The following LAMB2 variants were observed in gnomAD, a reference collection of about 807,000 sequenced individuals.
LAMB2 encodes the protein laminin subunit beta-2.
LAMB2 carries 119 observed loss-of-function variants against 202.7 expected under a neutral mutation model. The observed-to-expected ratio is 0.59, with a 90% CI of 0.51 to 0.68. The LOEUF is 0.68. Ranked by LOEUF, LAMB2 falls within the 30% of genes least tolerant of loss-of-function variation. The pLI is 0.00. For synonymous variants in LAMB2, 818 were observed against 902.2 expected (o/e 0.91, Z 1.67); for missense variants, 2,124 against 2,410.6 (o/e 0.88, Z 2.49).
chr3:49,128,545 C>T lies in LAMB2; in HGVS notation c.1931G>A (p.Arg644His), dbSNP rs200738080. 3.3e-4 allele frequency: 534 copies of T among 1,614,210 alleles called. 3 individuals carry two copies. The Middle Eastern group carries it at 5.9e-3, about 18-fold the overall frequency. ...GCTGTGGGCAGGCACAGGCCCTGGA[C>T]GCTGCACAATCAGTTCCAACTCTGC... is the stretch of plus-strand genomic sequence containing the variant. ...QWAELELIVQ[R>H]PGPVPAHSLC... The change falls in exon 15 of 32, where the codon CGT becomes CAT. Residue 644 changes from arginine to histidine, a missense_variant. Physicochemically the swap from Arg to His is conservative, Grantham distance 29 (BLOSUM62 0). Around this residue, in one of 3 missense-constraint regions of LAMB2, gnomAD observed 1,702 missense variants for 1,896.3 expected, o/e 0.90. Transcript: ENST00000305544.
Position 49,122,879 on chromosome 3 carries a change from T to G in LAMB2, c.4398A>C (p.Ala1466=), listed in dbSNP as rs1575531010. ...TGAGGATGCTACCACCTTCTGCCAG[T>G]GCCCGCTGCAGCTCTGCCTGTGTGT... ...ARHTQAELQR[A]LAEGGSILSR... The change falls in exon 27 of 32, where the codon GCA becomes GCC. Residue 1466 remains alanine (A), a synonymous_variant. Transcript: ENST00000305544. 1 of 1,610,736 alleles carries G rather than the reference T, an allele frequency of 6.2e-7. No homozygotes were observed. The highest frequency in any genetic ancestry group is 8.5e-7 in the Non-Finnish European group (1 of 1,179,994).
rs1397873511 is a variant in LAMB2 at position 49,130,220 on chromosome 3, C to A, written c.1225+11G>T. On this transcript the variant is annotated intron_variant, in intron 9 of 31. Coordinates refer to ENST00000305544, the MANE Select transcript of LAMB2 (RefSeq NM_002292.4). This position sits in a 1 kb window ranked among gnomAD's most constrained non-coding sequence, Gnocchi z 5.0. ...TCAGCTTTCTCTCCCCGTGCCCAAT[C>A]CCAGCCTCACAGCGGCACACAGCCG... The A allele has an allele frequency of 6.2e-7, 1 of 1,613,996 alleles. No individual in the cohort carries two copies.
rs775491931 is a variant in LAMB2 at position 49,123,962 on chromosome 3, T to C, written c.3563A>G (p.His1188Arg). 2.5e-6 allele frequency: 4 copies of C among 1,613,452 alleles called. No individual in the cohort carries two copies. In the South Asian group the frequency reaches 4.4e-5, roughly 18 times the overall value. ...RGFSGIFPAC[H>R]PCHACFGDWD... ...ATCCCCGAAGCATGCATGGCAGGGATGGCAGGCAGGAAAGATTCCTGAGAA... is the reference window on the plus strand; with the variant it reads ...ATCCCCGAAGCATGCATGGCAGGGACGGCAGGCAGGAAAGATTCCTGAGAA... The change falls in exon 24 of 32, where the codon CAT (histidine) becomes CGT (arginine). Residue 1188 changes from histidine (H) to arginine (R), a missense_variant. Physicochemically the swap from His to Arg is conservative, Grantham distance 29 (BLOSUM62 0). Coordinates refer to ENST00000305544, the MANE Select transcript of LAMB2 (RefSeq NM_002292.4).
In LAMB2 at chr3:49,125,836, C is replaced by T; in HGVS notation, c.2399G>A (p.Gly800Asp). The T allele has an allele frequency of 2.5e-6, 4 of 1,614,148 alleles. No individual in the cohort carries two copies. Among genetic ancestry groups the T allele is most frequent in the Non-Finnish European group, 3.4e-6 (4 of 1,180,032 alleles). ...SLSSECNPHG[G>D]QCLCKPGVVG... is the part of the protein sequence containing the mutation. ...CACTCCAGGCTTGCACAGGCACTGA[C>T]CACCATGAGGGTTGCACTCAGAACT... Residue 800 changes from glycine (G) to aspartate (D), a missense_variant, in exon 18 of 32, where the codon GGT (glycine) becomes GAT (aspartate). Physicochemically the swap from Gly to Asp is moderately conservative, Grantham distance 94 (BLOSUM62 -1). Transcript: ENST00000305544.
rs1455794986 is a variant in LAMB2 at position 49,122,309 on chromosome 3, G to A, written c.4635C>T (p.Ile1545=). ...GCTGGATCTGCTCAGCTGAAGCTGGGATGGAGAGCTCTAGCACCCGTGTGG... is the reference window on the plus strand; with the variant it reads ...GCTGGATCTGCTCAGCTGAAGCTGGAATGGAGAGCTCTAGCACCCGTGTGG... The part of the protein sequence containing the change: ...MVATRVLELS[I]PASAEQIQHL... Residue 1545 remains isoleucine (I), a synonymous_variant, in exon 28 of 32, where the codon ATC becomes ATT. Transcript: ENST00000305544. 1 of 1,613,594 alleles carries A rather than the reference G, an allele frequency of 6.2e-7. No homozygotes were observed. Among genetic ancestry groups the A allele is most frequent in the South Asian group, 1.1e-5 (1 of 91,088 alleles).
At position 49,123,649 on chromosome 3, in the gene LAMB2, G is replaced by A. The variant is rs377738420; in HGVS notation, c.3798-18C>T. The A allele has an allele frequency of 4.5e-5, 73 of 1,613,882 alleles. No individual in the cohort carries two copies. Among genetic ancestry groups the A allele is most frequent in the Non-Finnish European group, 5.3e-5 (63 of 1,180,048 alleles). ...TTTCACGCCTGCAATGATGGAGAGG[G>A]GGGTGTTTAGAGAGGCTTCAGCCCT... On this transcript the variant is annotated intron_variant, in intron 24 of 31. Coordinates refer to ENST00000305544, the MANE Select transcript of LAMB2 (RefSeq NM_002292.4).
rs1158252556 is a variant in LAMB2 at position 49,122,927 on chromosome 3, G to A, written c.4350C>T (p.Asp1450=). 1 of 1,608,758 alleles carries A rather than the reference G, an allele frequency of 6.2e-7. No homozygotes were observed. Among genetic ancestry groups the A allele is most frequent in the Admixed American group, 1.7e-5 (1 of 60,002 alleles). Residue 1450 remains aspartate, a synonymous_variant, in exon 27 of 32, where the codon GAC becomes GAT. Coordinates refer to ENST00000305544, the MANE Select transcript of LAMB2 (RefSeq NM_002292.4). ...TGTGCCGGGCCCGGCCCAGTGCTAG[G>A]TCTGCTGTAGCCGCTGCCCCATTGC... ...LSCNGAAATA[D]LALGRARHTQ... is the part of the protein sequence containing the mutation.
chr3:49,127,586 T>C (rs2045429032), intron 15 of LAMB2, among the ~76,000 whole-genome samples: 1 of 151,164 alleles, frequency 6.6e-6, no homozygotes, highest in South Asian at 2.1e-4. Context: ...TCCCAGCTAC[T>C]TGGGAGGCTG....
rs747305627 is a variant in LAMB2, at chr3:49,130,446, A to G, written c.1037-27T>C. On this transcript the variant is annotated intron_variant, in intron 8 of 31. Transcript: ENST00000305544. This position sits in a 1 kb window ranked among gnomAD's most constrained non-coding sequence, Gnocchi z 5.0. ...TGGCAGGGGAGGAAGGGCAGGGCAA[A>G]GGCCACATGAGGAACCAGGTCACAA... is the stretch of plus-strand genomic sequence containing the variant. 1.2e-6 allele frequency: 2 copies of G among 1,612,866 alleles called. No individual in the cohort carries two copies. Among genetic ancestry groups the G allele is most frequent in the Non-Finnish European group, 1.7e-6 (2 of 1,179,334 alleles).
Position 49,131,363 on chromosome 3 carries a change from A to C in LAMB2, c.712+16T>G. 6.2e-7 allele frequency: 1 copy of C among 1,613,220 alleles called. No individual in the cohort carries two copies. Among genetic ancestry groups the C allele is most frequent in the Non-Finnish European group, 8.5e-7 (1 of 1,179,214 alleles). On this transcript the variant is annotated intron_variant, in intron 6 of 31. Coordinates refer to ENST00000305544, the MANE Select transcript of LAMB2 (RefSeq NM_002292.4). This position sits in a 1 kb window ranked among gnomAD's most constrained non-coding sequence, Gnocchi z 5.0. Reference sequence around the variant, plus strand: ...CGGACACGGACTGTGCCAGACTCAAAGGGTGGAGCACTCACTCTGAATCCG... The same window carrying C: ...CGGACACGGACTGTGCCAGACTCAACGGGTGGAGCACTCACTCTGAATCCG...
At chr3:49,125,646 G>C (rs936191882) in intron 18 of LAMB2, 101 bp downstream of exon 18, 2 of 1,520,838 alleles carry the variant, frequency 1.3e-6, no homozygotes, top group Non-Finnish European at 1.8e-6. Context: ...GAGGGTCCAA[G>C]ACTTAGTTTG....
chr3:49,131,285 C>A lies in LAMB2; in HGVS notation c.712+94G>T. ...CACCCGAGCTAAACTGGGCTTGGCACCTGCCCTAGGAAGCACCCAAAATAG... is the reference window on the plus strand; with the variant it reads ...CACCCGAGCTAAACTGGGCTTGGCAACTGCCCTAGGAAGCACCCAAAATAG... On this transcript the variant is annotated intron_variant, in intron 6 of 31. Coordinates refer to ENST00000305544, the MANE Select transcript of LAMB2 (RefSeq NM_002292.4). The surrounding 1 kb of genome is among the most constrained non-coding windows in gnomAD (Gnocchi z 5.0). The A allele has an allele frequency of 1.3e-6, 2 of 1,502,940 alleles. No individual in the cohort carries two copies. Among genetic ancestry groups the A allele is most frequent in the East Asian group, 2.3e-5 (1 of 42,910 alleles). 93.1% of individuals were successfully genotyped at this position (1,502,940 alleles called of 1,614,324 possible). A position where few individuals can be genotyped will look rare whatever the true frequency, so the allele number is the denominator to read the frequency against.
At position 49,130,952 on chromosome 3, in the gene LAMB2, T is replaced by C. The variant is rs2045474401; in HGVS notation, c.913A>G (p.Met305Val). ...CCCAACCGTCTGAAGCCCCTTACCA[T>C]GCCCTCAGCATGGGCTGGTGCCCCT... ...APGAPAHAEGMVHGACICKHN... is the reference protein window; with the variant it reads ...APGAPAHAEGVVHGACICKHN... The change falls in exon 7 of 32, where the codon ATG (methionine) becomes GTG (valine). Residue 305 changes from methionine to valine, a missense_variant and splice_region_variant. Met to Val is a conservative substitution (Grantham distance 21, BLOSUM62 1). This residue lies in a region of LAMB2 where 256 missense variants were observed against 356.1 expected (regional missense o/e 0.72). Transcript: ENST00000305544. The surrounding 1 kb of genome is among the most constrained non-coding windows in gnomAD (Gnocchi z 5.0). 4 of 1,614,110 alleles carry C rather than the reference T, an allele frequency of 2.5e-6. No homozygotes were observed. The highest frequency in any genetic ancestry group is 3.4e-6 in the Non-Finnish European group (4 of 1,180,018).
Position 49,121,189 on chromosome 3 carries a change from G to A in LAMB2, c.*37C>T. 1 of 1,611,222 alleles carries A rather than the reference G, an allele frequency of 6.2e-7. No homozygotes were observed. Among genetic ancestry groups the A allele is most frequent in the South Asian group, 1.1e-5 (1 of 90,980 alleles). On this transcript the variant is annotated 3_prime_UTR_variant, in exon 32 of 32. Transcript: ENST00000305544. Reference sequence around the variant, plus strand: ...AGTGCATAGGCAGACATGCATGTGGGGCAGTGCTAGGAACTGGGGTAGGCC... The same window carrying A: ...AGTGCATAGGCAGACATGCATGTGGAGCAGTGCTAGGAACTGGGGTAGGCC...
In LAMB2 at chr3:49,130,443, C is replaced by T. The variant is rs1284082522; in HGVS notation, c.1037-24G>A. The T allele has an allele frequency of 1.2e-6, 2 of 1,613,352 alleles. No homozygotes were observed. Among genetic ancestry groups the T allele is most frequent in the African/African-American group, 1.3e-5 (1 of 74,910 alleles). Reference sequence around the variant, plus strand: ...CTCTGGCAGGGGAGGAAGGGCAGGGCAAAGGCCACATGAGGAACCAGGTCA... The same window carrying T: ...CTCTGGCAGGGGAGGAAGGGCAGGGTAAAGGCCACATGAGGAACCAGGTCA... On this transcript the variant is annotated intron_variant, in intron 8 of 31. Transcript: ENST00000305544. This position sits in a 1 kb window ranked among gnomAD's most constrained non-coding sequence, Gnocchi z 5.0.
At position 49,132,623 on chromosome 3, in the gene LAMB2, C is replaced by A. The variant is rs1131779; in HGVS notation, c.117G>T (p.Val39=). ...ATLAQAPAPD[V]PGCSRGSCYP... is the part of the protein sequence containing the mutation. ...AGCAGCTTCCCCTGGAACAGCCAGGCACATCCGGGGCAGGGGCCTGTGCCA... is the reference window on the plus strand; with the variant it reads ...AGCAGCTTCCCCTGGAACAGCCAGGAACATCCGGGGCAGGGGCCTGTGCCA... The change falls in exon 2 of 32, where the codon GTG becomes GTT. Residue 39 remains valine (V), a synonymous_variant. Transcript: ENST00000305544. The surrounding 1 kb of genome is among the most constrained non-coding windows in gnomAD (Gnocchi z 4.6). 39 of 1,613,824 alleles carry A rather than the reference C, an allele frequency of 2.4e-5. No homozygotes were observed. Among genetic ancestry groups the A allele is most frequent in the Non-Finnish European group, 3.1e-5 (37 of 1,180,000 alleles).
In LAMB2 at chr3:49,129,356, C is replaced by T. The variant is rs371638059; in HGVS notation, c.1519-32G>A. 2 of 1,570,330 alleles carry T rather than the reference C, an allele frequency of 1.3e-6. No individual in the cohort carries two copies. The highest frequency in any genetic ancestry group is 1.7e-5 in the Admixed American group (1 of 59,214). ...GAAAGGAGTTGCTGGGGGCCAGAAA[C>T]AGACCTCCAGACCCCATCACCACCC... On this transcript the variant is annotated intron_variant, in intron 11 of 31. Transcript: ENST00000305544. The surrounding 1 kb of genome is among the most constrained non-coding windows in gnomAD (Gnocchi z 6.1).
rs1262743924 is a variant in LAMB2, at chr3:49,129,800, T to A, written c.1405+39A>T. On this transcript the variant is annotated intron_variant, in intron 10 of 31. Coordinates refer to ENST00000305544, the MANE Select transcript of LAMB2 (RefSeq NM_002292.4). The surrounding 1 kb of genome is among the most constrained non-coding windows in gnomAD (Gnocchi z 6.1). ...TGAGTCAGGAGTAAGAGGACAGGGGTTAAAGGTCAGCATAGAAGTTAGGGC... is the reference window on the plus strand; with the variant it reads ...TGAGTCAGGAGTAAGAGGACAGGGGATAAAGGTCAGCATAGAAGTTAGGGC... 6.2e-7 allele frequency: 1 copy of A among 1,612,612 alleles called. No individual in the cohort carries two copies. Among genetic ancestry groups the A allele is most frequent in the Non-Finnish European group, 8.5e-7 (1 of 1,179,194 alleles).
intron 18 of LAMB2, 71 bp from the exon 19 acceptor site, chr3:49,125,555 T>C (rs1300840471): frequency 1.4e-6 from 2 of 1,416,296 alleles, no homozygotes; most frequent in Non-Finnish European, 1.9e-6. Flanking sequence ...GGGGAGGGTC[T>C]CAGGGGAGTG....
Sources: gnomAD v4.1 joint callset for allele counts (sites outside exome capture counted in the v4.1 genomes callset) on GRCh38, gnomAD v4.1.1 for gene constraint, gnomAD v4.1.1 regional missense constraint, Gnocchi (gnomAD v3.1) non-coding constraint, MANE v1.5 for transcripts, NCBI Gene and HGNC (gene_info 2026-07-23, HGNC 2026-07-21) for gene names.